SNX31: variants seen among roughly 807,000 people sequenced by gnomAD.
The protein encoded by SNX31 is sorting nexin-31.
SNX31 carries 58 observed loss-of-function variants against 65.4 expected under a neutral mutation model. That is an observed-to-expected ratio of 0.89 (90% CI 0.72 to 1.10). The LOEUF (loss-of-function observed/expected upper bound fraction) is 1.10, where lower values mean the gene tolerates loss of function less well. Ranked by LOEUF, SNX31 falls within the 50% of genes least tolerant of loss-of-function variation. SNX31 has a pLI of 0.00. For missense variants in SNX31, 523 were observed against 529.7 expected (o/e 0.99, Z 0.12); for synonymous variants, 181 against 190.1 (o/e 0.95, Z 0.39).
At chr8:100,608,851 C>T (rs1816438279) in intron 7 of SNX31, among the ~76,000 whole-genome samples, 1 of 152,204 alleles carries the variant, frequency 6.6e-6, no homozygotes. Flanking sequence ...TCACTCTTGG[C>T]CACCAAGATG....
rs1055115759 is a variant in SNX31 at position 100,617,639 on chromosome 8, G to A, written c.413C>T (p.Thr138Ile). ...SIRIEIITSD[T>I]AERVLEVVSH... ...GCTTACCTCTAGGACTCTTTCAGCAGTGTCTGATGTTATAATTTCGATTCT... is the reference window on the plus strand; with the variant it reads ...GCTTACCTCTAGGACTCTTTCAGCAATGTCTGATGTTATAATTTCGATTCT... The change falls in exon 5 of 14, where the codon ACT becomes ATT. Residue 138 changes from threonine to isoleucine, a missense_variant. By Grantham distance (89) the Thr-to-Ile change is moderately conservative. Transcript: ENST00000311812. 1.2e-6 allele frequency: 2 copies of A among 1,610,666 alleles called. No individual in the cohort carries two copies. Among genetic ancestry groups the A allele is most frequent in the South Asian group, 1.1e-5 (1 of 90,962 alleles).
intron 3 of SNX31, among the ~76,000 whole-genome samples, chr8:100,634,527 G>A (rs186632284): frequency 2.6e-5 from 4 of 152,132 alleles, no homozygotes; most frequent in Admixed American, 6.6e-5. Context: ...TGGGCAGATC[G>A]TTTGAGATCA....
intron 4 of SNX31, among the ~76,000 whole-genome samples, chr8:100,624,016 G>C (rs1304253389): frequency 2.0e-5 from 3 of 150,052 alleles, no homozygotes; most frequent in Middle Eastern, 3.4e-3. Flanking sequence ...GAGGTGGGGG[G>C]ATGCGGGGAG....
In SNX31 at chr8:100,588,775, A is replaced by G; in HGVS notation, c.1092+91T>C. On this transcript the variant is annotated intron_variant, in intron 11 of 13. Transcript: ENST00000311812. This position sits in a 1 kb window ranked among gnomAD's most constrained non-coding sequence, Gnocchi z 4.8. Reference sequence around the variant, plus strand: ...ATAGAACACTTTAGGGTCCTGCTCTAGTTGGGTTAGGGTCATGTGCTTCAT... The same window carrying G: ...ATAGAACACTTTAGGGTCCTGCTCTGGTTGGGTTAGGGTCATGTGCTTCAT... 3 of 830,090 alleles carry G rather than the reference A, an allele frequency of 3.6e-6. No homozygotes were observed. Among genetic ancestry groups the G allele is most frequent in the Non-Finnish European group, 6.1e-6 (3 of 494,328 alleles). 51.4% of individuals were successfully genotyped at this position (830,090 alleles called of 1,614,324 possible). A position where few individuals can be genotyped will look rare whatever the true frequency, so the allele number is the denominator to read the frequency against.
In SNX31 at chr8:100,609,725, C is replaced by A. The variant is rs960237562; in HGVS notation, c.612-1162G>T. Among the ~76,000 whole-genome samples the A allele has an allele frequency of 6.6e-6, 1 of 152,132 alleles. No individual in the cohort carries two copies. Among genetic ancestry groups the A allele is most frequent in the Admixed American group, 6.5e-5 (1 of 15,268 alleles). ...ATGGTGCTTGAAGGTCAACTTCATT[C>A]TGGGGTGGGGAGAAGTAACTGAAGC... On this transcript the variant is annotated intron_variant, in intron 7 of 13. Transcript: ENST00000311812. This position sits in a 1 kb window ranked among gnomAD's most constrained non-coding sequence, Gnocchi z 4.9.
chr8:100,627,877 T>A (rs1041018095), intron 4 of SNX31, among the ~76,000 whole-genome samples: 2 of 150,884 alleles, frequency 1.3e-5, no homozygotes, highest in African/African-American at 4.9e-5. Context: ...TACAATGAAC[T>A]CAAACAAATT....
chr8:100,608,993 A>G (rs978911251), intron 7 of SNX31, among the ~76,000 whole-genome samples: 2 of 152,078 alleles, frequency 1.3e-5, no homozygotes, highest in African/African-American at 4.8e-5. Flanking sequence ...CCTCCTTTCC[A>G]GGCTTTCTGT....
intron 3 of SNX31, among the ~76,000 whole-genome samples, chr8:100,631,152 G>A (rs1818387711): frequency 6.6e-6 from 1 of 152,128 alleles, no homozygotes; most frequent in Admixed American, 6.6e-5. Context: ...TGATAAGGCA[G>A]TCAGAGAGAT....
At position 100,630,469 on chromosome 8, in the gene SNX31, A is replaced by T; in HGVS notation, c.257-78T>A. 8.2e-7 allele frequency: 1 copy of T among 1,213,746 alleles called. No homozygotes were observed. Among genetic ancestry groups the T allele is most frequent in the African/African-American group, 1.5e-5 (1 of 65,304 alleles). The allele number at this position is 1,213,746 out of a possible 1,614,324, so 75.2% of individuals were successfully genotyped here. Reference sequence around the variant, plus strand: ...CTATTAATTGCTATGTCCTCCAGAGATCCCTCCATGCCTTGCCAGTGCTCT... The same window carrying T: ...CTATTAATTGCTATGTCCTCCAGAGTTCCCTCCATGCCTTGCCAGTGCTCT... On this transcript the variant is annotated intron_variant, in intron 3 of 13. Coordinates refer to ENST00000311812, the MANE Select transcript of SNX31 (RefSeq NM_152628.4). The surrounding 1 kb of genome is among the most constrained non-coding windows in gnomAD (Gnocchi z 5.3).
At chr8:100,617,026 C>T (rs1817270036) in intron 5 of SNX31, among the ~76,000 whole-genome samples, 1 of 152,064 alleles carries the variant, frequency 6.6e-6, no homozygotes, top group South Asian at 2.1e-4. Flanking sequence ...CTCTGCAGCC[C>T]CACTCAGCAG....
intron 8 of SNX31, among the ~76,000 whole-genome samples, chr8:100,606,276 C>T (rs921134652): frequency 6.6e-6 from 1 of 152,150 alleles, no homozygotes; most frequent in African/African-American, 2.4e-5. Flanking sequence ...CTCAAGTAAT[C>T]CACCTGCTTC....
upstream of SNX31, chr8:100,649,672 G>A: frequency 1.7e-6 from 1 of 599,896 alleles, no homozygotes; most frequent in Non-Finnish European, 2.8e-6. Context: ...ATCTACAGGT[G>A]GGGCCGGGGC....
At chr8:100,636,208 A>G (rs1818762919) in intron 2 of SNX31, among the ~76,000 whole-genome samples, 197 bp from the exon 3 acceptor site, 1 of 152,248 alleles carries the variant, frequency 6.6e-6, no homozygotes, top group Admixed American at 6.5e-5. Context: ...TTCTGGAGAC[A>G]TTACTAGACA....
intron 9 of SNX31, among the ~76,000 whole-genome samples, 176 bp downstream of exon 9, chr8:100,600,173 C>A (rs1815486063): frequency 6.6e-6 from 1 of 152,116 alleles, no homozygotes; most frequent in African/African-American, 2.4e-5. Flanking sequence ...AATCTTTAAA[C>A]AATAAGCTTT....
At chr8:100,611,782 C>T (rs1816733717) in intron 7 of SNX31, among the ~76,000 whole-genome samples, 1 of 152,192 alleles carries the variant, frequency 6.6e-6, no homozygotes, top group Non-Finnish European at 1.5e-5. Flanking sequence ...TCTTGAACTC[C>T]TGGGCTCCAG....
Position 100,576,097 on chromosome 8 carries a change from G to T in SNX31, c.1227+922C>A, listed in dbSNP as rs558949149. On this transcript the variant is annotated intron_variant, in intron 13 of 13. Coordinates refer to ENST00000311812, the MANE Select transcript of SNX31 (RefSeq NM_152628.4). The surrounding 1 kb of genome is among the most constrained non-coding windows in gnomAD (Gnocchi z 4.8). Reference sequence around the variant, plus strand: ...CAGTAAGCAGTGGAGTTCCTATCTCGTCTCTCTGTCCAACCAGCCAGAAGT... The same window carrying T: ...CAGTAAGCAGTGGAGTTCCTATCTCTTCTCTCTGTCCAACCAGCCAGAAGT... 6.6e-6 allele frequency among the ~76,000 whole-genome samples: 1 copy of T among 152,142 alleles called. No individual in the cohort carries two copies. Among genetic ancestry groups the T allele is most frequent in the African/African-American group, 2.4e-5 (1 of 41,430 alleles).
chr8:100,633,228 C>T (rs1185206433), intron 3 of SNX31, among the ~76,000 whole-genome samples: 2 of 151,838 alleles, frequency 1.3e-5, no homozygotes, highest in Admixed American at 6.6e-5. Flanking sequence ...CATGCCGAGC[C>T]TAATTGTTGG....
intron 12 of SNX31, among the ~76,000 whole-genome samples, chr8:100,581,784 T>C (rs1310702473): frequency 6.6e-6 from 1 of 152,138 alleles, no homozygotes; most frequent in African/African-American, 2.4e-5. Flanking sequence ...AATGACGCCA[T>C]GGTACATTTA....
At chr8:100,641,326 C>T (rs1231145860) in intron 2 of SNX31, among the ~76,000 whole-genome samples, 1 of 151,546 alleles carries the variant, frequency 6.6e-6, no homozygotes, top group African/African-American at 2.4e-5. Flanking sequence ...TGCTTGAGTC[C>T]ATGAGTTTAA....
Sources: allele counts gnomAD v4.1 joint callset (sites outside exome capture counted in the v4.1 genomes callset), GRCh38; gene constraint gnomAD v4.1.1; non-coding constraint Gnocchi (gnomAD v3.1); transcripts MANE v1.5; gene names NCBI Gene and HGNC (gene_info 2026-07-23, HGNC 2026-07-21).